LRP2BP: variants seen among roughly 807,000 people sequenced by gnomAD.
LRP2BP encodes the protein LRP2-binding protein.
In LRP2BP, 38 loss-of-function variants were observed where a neutral mutation model predicts 45.2. That is an observed-to-expected ratio of 0.84 (90% CI 0.65 to 1.10). The LOEUF is 1.10. LRP2BP is among the 50% of genes least tolerant of loss of function. The pLI, the probability that LRP2BP is intolerant of heterozygous loss-of-function variation, is 0.00. For missense variants in LRP2BP, 385 were observed against 418.9 expected, an observed-to-expected ratio of 0.92 and a Z score of 0.71; for synonymous variants, 153 against 153.9, an observed-to-expected ratio of 0.99 and a Z score of 0.04.
At chr4:185,369,543 C>T (rs2095407741) in intron 8 of LRP2BP, among the ~76,000 whole-genome samples, 1 of 152,078 alleles carries the variant, frequency 6.6e-6, no homozygotes, top group African/African-American at 2.4e-5. Flanking sequence ...TGTGCCTGGC[C>T]AGTACAGAGA....
chr4:185,397,013 T>G, upstream of LRP2BP: 2 of 1,611,008 alleles, frequency 1.2e-6, no homozygotes, highest in Non-Finnish European at 1.7e-6. Flanking sequence ...TAGATTCGTC[T>G]TCTCGTTAAT....
intron 1 of LRP2BP, among the ~76,000 whole-genome samples, chr4:185,388,702 G>A (rs2095479219): frequency 6.6e-6 from 1 of 152,122 alleles, no homozygotes; most frequent in Non-Finnish European, 1.5e-5. Flanking sequence ...CTGAAGGTAT[G>A]CTATGTATTC....
At chr4:185,368,574 A>C (rs551953180) in intron 8 of LRP2BP, among the ~76,000 whole-genome samples, 3 of 152,260 alleles carry the variant, frequency 2.0e-5, no homozygotes, top group African/African-American at 7.2e-5. Context: ...TCTGTTCCTC[A>C]TATCATGCGT....
intron 1 of LRP2BP, among the ~76,000 whole-genome samples, chr4:185,380,519 A>G (rs925732644): frequency 2.0e-5 from 3 of 152,088 alleles, no homozygotes; most frequent in Non-Finnish European, 4.4e-5. Context: ...CTGTGTTTAC[A>G]TGGCCTTCCC....
intron 1 of LRP2BP, among the ~76,000 whole-genome samples, chr4:185,394,046 G>A (rs1179593063): frequency 6.6e-6 from 1 of 152,132 alleles, no homozygotes; most frequent in African/African-American, 2.4e-5. Context: ...ATCACTGGAG[G>A]TCAGGCGTTT....
chr4:185,377,345 C>T, intron 2 of LRP2BP: 1 of 220,698 alleles, frequency 4.5e-6, no homozygotes, highest in Non-Finnish European at 9.2e-6. Flanking sequence ...ATGGAGAAAC[C>T]CCGTCTCTAC....
chr4:185,383,509 C>A (rs1462312285), intron 1 of LRP2BP, among the ~76,000 whole-genome samples: 1 of 152,124 alleles, frequency 6.6e-6, no homozygotes, highest in Non-Finnish European at 1.5e-5. Context: ...CAAAATGTGT[C>A]TTAAGTATGT....
intron 1 of LRP2BP, among the ~76,000 whole-genome samples, chr4:185,385,738 T>TAACA (rs35774424): frequency 0.16 from 23,767 of 151,962 alleles, 2,308 homozygotes; most frequent in Non-Finnish European, 0.22. Flanking sequence ...CCGTCTCTAC[T>TAACA]AACAATACAA....
upstream of LRP2BP, chr4:185,396,814 T>G: frequency 4.0e-6 from 5 of 1,244,624 alleles, no homozygotes; most frequent in South Asian, 6.0e-5. Flanking sequence ...CAGCGGTCTT[T>G]AAATTCTCCC....
At chr4:185,396,696 G>A (rs1580032019), upstream of LRP2BP, 5 of 573,160 alleles carry the variant, frequency 8.7e-6, no homozygotes, top group East Asian at 1.5e-4. Context: ...CAGTGTTTGT[G>A]TACGTGCGGC....
chr4:185,376,340 C>G (rs1051892916), intron 3 of LRP2BP, among the ~76,000 whole-genome samples: 4 of 151,966 alleles, frequency 2.6e-5, no homozygotes, highest in Non-Finnish European at 5.9e-5. Context: ...TGCAGTGGCA[C>G]GATCTCAGCT....
At chr4:185,396,878 CCT>C (rs764895901), upstream of LRP2BP, 65 of 1,607,706 alleles carry the variant, frequency 4.0e-5, no homozygotes, top group South Asian at 5.5e-5. Context: ...GAGTGTCTCA[CCT>C]CTCTGCACTT....
Position 185,395,606 on chromosome 4 carries a change from C to T in LRP2BP, c.-849G>A, listed in dbSNP as rs2095499938. 3.1e-6 allele frequency: 3 copies of T among 977,832 alleles called. No homozygotes were observed. The highest frequency in any genetic ancestry group is 6.2e-5 in the Admixed American group (1 of 16,254). The allele number at this position is 977,832 out of a possible 1,614,324, so 60.6% of individuals were successfully genotyped here. ...AAGAACGATTCTATATATTTGAACA[C>T]ACATTTATATTCAAATATTCATATG... is the stretch of plus-strand genomic sequence containing the variant. On this transcript the variant is annotated 5_prime_UTR_variant, in exon 1 of 9. In the 5' UTR this introduces an upstream ATG that the reference lacks. Coordinates refer to ENST00000505916, the MANE Select transcript of LRP2BP (RefSeq NM_001377440.1).
At position 185,366,954 on chromosome 4, in the gene LRP2BP, T is replaced by A. The variant is rs894176168; in HGVS notation, c.*226A>T. ...ATATGGTCTCGGCCAGTCTGTAGGG[T>A]AAGAGGTGGACCTCTGAGGACTCTT... is the stretch of plus-strand genomic sequence containing the variant. On this transcript the variant is annotated 3_prime_UTR_variant, in exon 9 of 9. Coordinates refer to ENST00000505916, the MANE Select transcript of LRP2BP (RefSeq NM_001377440.1). 3 of 459,278 alleles carry A rather than the reference T, an allele frequency of 6.5e-6. No homozygotes were observed. The highest frequency in any genetic ancestry group is 6.0e-5 in the African/African-American group (3 of 50,348). 28.5% of individuals were successfully genotyped at this position (459,278 alleles called of 1,614,324 possible). A position where few individuals can be genotyped will look rare whatever the true frequency, so the allele number is the denominator to read the frequency against.
chr4:185,378,511 A>G, intron 1 of LRP2BP: 1 of 1,072,672 alleles, frequency 9.3e-7, no homozygotes, highest in South Asian at 3.6e-5. Context: ...CACCCAGCAC[A>G]AGTGTTGCCA....
rs2095500571 is a variant in LRP2BP, at chr4:185,395,793, A to G, written c.-1036T>C. The G allele has an allele frequency of 2.0e-6, 2 of 985,206 alleles. No homozygotes were observed. The highest frequency in any genetic ancestry group is 9.4e-5 in the South Asian group (2 of 21,294). The allele number at this position is 985,206 out of a possible 1,614,324, so 61.0% of individuals were successfully genotyped here. On this transcript the variant is annotated 5_prime_UTR_variant, in exon 1 of 9. Transcript: ENST00000505916. ...TTGTTTTCTAACAGCATAACAATAA[A>G]CGTATTTATTTCTCCGAGCTTTCAA...
chr4:185,372,553 G>C (rs1479024008), intron 7 of LRP2BP, among the ~76,000 whole-genome samples: 4 of 152,194 alleles, frequency 2.6e-5, no homozygotes. Flanking sequence ...TACTGCTATG[G>C]TTTGACTAGT....
chr4:185,391,259 T>G (rs1485550032), intron 1 of LRP2BP, among the ~76,000 whole-genome samples: 1 of 152,170 alleles, frequency 6.6e-6, no homozygotes, highest in Non-Finnish European at 1.5e-5. Flanking sequence ...AACAATCACA[T>G]CATCAACAGG....
At chr4:185,385,076 G>A (rs1001972431) in intron 1 of LRP2BP, among the ~76,000 whole-genome samples, 1 of 152,114 alleles carries the variant, frequency 6.6e-6, no homozygotes, top group Non-Finnish European at 1.5e-5. Context: ...TGGCAAGCAC[G>A]GGATGAAAGA....
Sources: allele counts gnomAD v4.1 joint callset (sites outside exome capture counted in the v4.1 genomes callset), GRCh38; gene constraint gnomAD v4.1.1; transcripts MANE v1.5; gene names NCBI Gene and HGNC (gene_info 2026-07-23, HGNC 2026-07-21).